The following WWOX variants were observed in gnomAD, a reference collection of about 807,000 sequenced individuals.
The protein encoded by WWOX is WW domain-containing oxidoreductase.
In WWOX, 69 loss-of-function variants were observed where a neutral mutation model predicts 46.2. That is an observed-to-expected ratio of 1.49 (90% CI 1.23 to 1.82). The LOEUF is 1.82. WWOX is among the 40% of genes most tolerant of loss of function. The pLI is 0.00. For synonymous variants in WWOX, 359 were observed against 202.6 expected (o/e 1.77, Z -6.56); for missense variants, 919 against 542.6 (o/e 1.69, Z -6.89).
At chr16:79,077,619 C>A (rs1215745478) in intron 8 of WWOX, 1 of 149,772 alleles carries the variant, frequency 6.7e-6, no homozygotes, top group Non-Finnish European at 1.5e-5. Context: ...GGGCCTCCAC[C>A]CAATGTCCTT....
intron 8 of WWOX, among the ~76,000 whole-genome samples, chr16:78,902,316 A>G (rs1157476657): frequency 1.3e-5 from 2 of 152,362 alleles, no homozygotes; most frequent in African/African-American, 4.8e-5. Flanking sequence ...TTGATATTAC[A>G]GGAATGAAAA....
At chr16:78,150,842 C>A (rs2034380164) in intron 4 of WWOX, among the ~76,000 whole-genome samples, 1 of 152,058 alleles carries the variant, frequency 6.6e-6, no homozygotes, top group Non-Finnish European at 1.5e-5. Flanking sequence ...TAATAAAAGA[C>A]TCTCCCCTCA....
At chr16:78,368,549 C>G (rs973731000) in intron 5 of WWOX, among the ~76,000 whole-genome samples, 2 of 152,290 alleles carry the variant, frequency 1.3e-5, no homozygotes, top group Non-Finnish European at 1.5e-5. Context: ...TCTATATCCT[C>G]AAACCAAGGA....
chr16:78,422,965 A>T (rs2082987764), intron 6 of WWOX, among the ~76,000 whole-genome samples: 1 of 148,872 alleles, frequency 6.7e-6, no homozygotes, highest in African/African-American at 2.5e-5. Flanking sequence ...TGCTCACTAC[A>T]ACCTCTGCCT....
intron 5 of WWOX, among the ~76,000 whole-genome samples, chr16:78,340,398 A>G (rs72794013): frequency 0.23 from 26,884 of 117,748 alleles, 8,580 homozygotes; most frequent in African/African-American, 0.38. Flanking sequence ...AGTAGAGATG[A>G]AGTGTTTACC....
intron 8 of WWOX, among the ~76,000 whole-genome samples, chr16:78,986,132 C>G (rs2046780160): frequency 6.6e-6 from 1 of 152,198 alleles, no homozygotes; most frequent in Non-Finnish European, 1.5e-5. Flanking sequence ...GTCAGGAGCA[C>G]ACATACATTC....
chr16:78,381,424 A>G (rs535425962), intron 5 of WWOX, among the ~76,000 whole-genome samples: 2 of 151,162 alleles, frequency 1.3e-5, no homozygotes, highest in Non-Finnish European at 2.9e-5. Flanking sequence ...GGAGACATGC[A>G]CCTGGGTTGT....
chr16:78,602,850 C>G (rs1317796399), intron 8 of WWOX, among the ~76,000 whole-genome samples: 1 of 152,112 alleles, frequency 6.6e-6, no homozygotes, highest in Non-Finnish European at 1.5e-5. Flanking sequence ...AAAATTGAGG[C>G]TTAGAGAAAT....
chr16:78,471,426 C>G (rs1204083004), intron 8 of WWOX, among the ~76,000 whole-genome samples: 1 of 152,132 alleles, frequency 6.6e-6, no homozygotes, highest in Non-Finnish European at 1.5e-5. Context: ...GGGGAACAGT[C>G]CTGTGCAGTG....
chr16:78,568,196 C>G lies in WWOX; in HGVS notation c.1056+135444C>G, dbSNP rs955651880. ...AAAAATCATCCTCTGAAAAACTCTT[C>G]TGAACAACATCGGCTGTGCATAGTA... On this transcript the variant is annotated intron_variant, in intron 8 of 8. Transcript: ENST00000566780. 2.6e-5 allele frequency among the ~76,000 whole-genome samples: 4 copies of G among 152,124 alleles called. No homozygotes were observed. In the East Asian group the frequency reaches 5.8e-4, roughly 22 times the overall value.
intron 6 of WWOX, among the ~76,000 whole-genome samples, chr16:78,417,628 C>T (rs564527752): frequency 3.9e-5 from 6 of 152,272 alleles, no homozygotes; most frequent in South Asian, 2.1e-4. Flanking sequence ...CCCTCTTCCC[C>T]GCAAGGTTTT....
chr16:78,641,752 G>C (rs949669122), intron 8 of WWOX, among the ~76,000 whole-genome samples: 1 of 152,112 alleles, frequency 6.6e-6, no homozygotes, highest in Non-Finnish European at 1.5e-5. Context: ...AAAAGACGAA[G>C]ACTAATTACC....
At chr16:78,731,061 A>G (rs537769707) in intron 8 of WWOX, among the ~76,000 whole-genome samples, 149 of 152,302 alleles carry the variant, frequency 9.8e-4, no homozygotes, top group African/African-American at 3.5e-3. Flanking sequence ...TTGATTTAAG[A>G]AAATGTTGAT....
At chr16:78,308,373 T>G (rs1260788610) in intron 5 of WWOX, among the ~76,000 whole-genome samples, 2 of 152,146 alleles carry the variant, frequency 1.3e-5, no homozygotes, top group Non-Finnish European at 2.9e-5. Context: ...GGGTTGGATA[T>G]GACTCATTAT....
intron 8 of WWOX, among the ~76,000 whole-genome samples, chr16:79,074,304 AC>A (rs1363579309): frequency 6.8e-6 from 1 of 146,156 alleles, no homozygotes; most frequent in South Asian, 2.2e-4. Flanking sequence ...GTTGGCTGTC[AC>A]CCCCATTTCC....
intron 8 of WWOX, among the ~76,000 whole-genome samples, chr16:78,929,248 A>G (rs1247772645): frequency 7.6e-6 from 1 of 132,222 alleles, no homozygotes; most frequent in African/African-American, 3.3e-5. Context: ...ATGTTATCAT[A>G]CAGTGATTTT....
chr16:78,270,390 C>T (rs2079452670), intron 5 of WWOX: 1 of 152,264 alleles, frequency 6.6e-6, no homozygotes, highest in Non-Finnish European at 1.5e-5. Flanking sequence ...ATAATAAAGA[C>T]AGTGCCTCCT....
At chr16:78,881,769 C>G (rs935943953) in intron 8 of WWOX, among the ~76,000 whole-genome samples, 2 of 152,166 alleles carry the variant, frequency 1.3e-5, no homozygotes, top group Admixed American at 6.5e-5. Context: ...CAAAATGGTT[C>G]TTCTGCTCAG....
At chr16:79,106,243 A>G (rs544324144) in intron 8 of WWOX, among the ~76,000 whole-genome samples, 1 of 152,286 alleles carries the variant, frequency 6.6e-6, no homozygotes, top group South Asian at 2.1e-4. Flanking sequence ...CCTTAAATAA[A>G]CTTCTTCATC....
Sources: gnomAD v4.1 joint callset for allele counts (sites outside exome capture counted in the v4.1 genomes callset) on GRCh38, gnomAD v4.1.1 for gene constraint, MANE v1.5 for transcripts, NCBI Gene and HGNC (gene_info 2026-07-23, HGNC 2026-07-21) for gene names.